Variants in CDC14B observed in about 807,000 individuals in gnomAD.
CDC14B encodes the protein cell division cycle 14B.
A neutral mutation model predicts 64.2 loss-of-function variants in CDC14B; 22 were observed. That is an observed-to-expected ratio of 0.34 (90% CI 0.24 to 0.49). The LOEUF (loss-of-function observed/expected upper bound fraction) is 0.49. Among genes scored for constraint, CDC14B ranks in the 20% least tolerant of loss-of-function variants. CDC14B has a pLI of 0.99. For missense variants in CDC14B, 498 were observed against 629.9 expected, an observed-to-expected ratio of 0.79 and a Z score of 2.24; for synonymous variants, 191 against 215.8, an observed-to-expected ratio of 0.89 and a Z score of 1.01.
rs149330559 is a variant in CDC14B, at chr9:96,515,233, C to T, written c.1344-5444G>A. Among the ~76,000 whole-genome samples the T allele has an allele frequency of 5.8e-4, 89 of 152,282 alleles. No individual in the cohort carries two copies. The highest frequency in any genetic ancestry group is 3.4e-3 in the Middle Eastern group (1 of 294). On this transcript the variant is annotated intron_variant, in intron 12 of 13. Coordinates refer to ENST00000375241, the MANE Select transcript of CDC14B (RefSeq NM_033331.4). This position sits in a 1 kb window ranked among gnomAD's most constrained non-coding sequence, Gnocchi z 4.3. ...GTGGGAAAAATGCTTCTTTGCTAGA[C>T]TGGGAAGGACATACTCAAGATACAG... is the stretch of plus-strand genomic sequence containing the variant.
chr9:96,561,270 A>G (rs1843138902), intron 4 of CDC14B, among the ~76,000 whole-genome samples: 2 of 152,248 alleles, frequency 1.3e-5, no homozygotes, highest in African/African-American at 4.8e-5. Context: ...CACTGCTGTT[A>G]ATGATATACC....
intron 1 of CDC14B, among the ~76,000 whole-genome samples, chr9:96,584,352 T>A (rs571020278): frequency 6.6e-6 from 1 of 152,272 alleles, no homozygotes; most frequent in Non-Finnish European, 1.5e-5. Flanking sequence ...GATGACCAGA[T>A]TGGCTCAGGT....
intron 4 of CDC14B, among the ~76,000 whole-genome samples, chr9:96,561,703 G>A (rs1465757373): frequency 3.3e-5 from 5 of 151,642 alleles, no homozygotes; most frequent in African/African-American, 9.7e-5. Context: ...TAACCAGGAT[G>A]GTCTCGATCT....
chr9:96,562,795 A>G lies in CDC14B; in HGVS notation c.328-10T>C. The G allele has an allele frequency of 6.6e-7, 1 of 1,505,070 alleles. No individual in the cohort carries two copies. Among genetic ancestry groups the G allele is most frequent in the Non-Finnish European group, 9.2e-7 (1 of 1,088,188 alleles). 93.2% of individuals were successfully genotyped at this position (1,505,070 alleles called of 1,614,324 possible). ...TTAACATTGTAATGGACTGCATAAA[A>G]ATAAATAACTGTTAGCATTTTCTTT... is the stretch of plus-strand genomic sequence containing the variant. On this transcript the variant is annotated splice_polypyrimidine_tract_variant and intron_variant, in intron 3 of 13. Transcript: ENST00000375241.
At chr9:96,548,700 C>A (rs981075534) in intron 5 of CDC14B, among the ~76,000 whole-genome samples, 10 of 151,708 alleles carry the variant, frequency 6.6e-5, no homozygotes, top group African/African-American at 1.2e-4. Flanking sequence ...GCTCTAGAGG[C>A]TGAGACATGA....
chr9:96,537,243 G>C (rs1268508011), intron 7 of CDC14B, among the ~76,000 whole-genome samples: 1 of 152,092 alleles, frequency 6.6e-6, no homozygotes, highest in Non-Finnish European at 1.5e-5. Context: ...AGCCAAGATC[G>C]CACCACTGCA....
At chr9:96,520,105 G>C (rs1304399473) in intron 12 of CDC14B, among the ~76,000 whole-genome samples, 3 of 152,188 alleles carry the variant, frequency 2.0e-5, no homozygotes. Flanking sequence ...AAAAAGCAGA[G>C]ACGGGGATAA....
At chr9:96,573,753 T>G (rs1844619371) in intron 1 of CDC14B, among the ~76,000 whole-genome samples, 2 of 152,128 alleles carry the variant, frequency 1.3e-5, no homozygotes, top group Admixed American at 1.3e-4. Context: ...TGTAATAAAT[T>G]TACATGTTAC....
chr9:96,536,461 C>T (rs994312503), intron 7 of CDC14B, among the ~76,000 whole-genome samples: 2 of 152,226 alleles, frequency 1.3e-5, no homozygotes, highest in Non-Finnish European at 2.9e-5. Context: ...GTGTTAATAA[C>T]TTAGCTATAT....
At chr9:96,591,370 T>C (rs1845784896) in intron 1 of CDC14B, among the ~76,000 whole-genome samples, 1 of 152,222 alleles carries the variant, frequency 6.6e-6, no homozygotes, top group African/African-American at 2.4e-5. Flanking sequence ...ATTCTTGGTA[T>C]CTTTGTCAAA....
chr9:96,519,955 A>C (rs1207276719), intron 12 of CDC14B, among the ~76,000 whole-genome samples: 1 of 152,232 alleles, frequency 6.6e-6, no homozygotes, highest in East Asian at 1.9e-4. Flanking sequence ...GTATTTTTCA[A>C]CCCAAGCAAC....
chr9:96,566,723 C>T (rs1438732294), intron 1 of CDC14B: 6 of 1,565,542 alleles, frequency 3.8e-6, no homozygotes, highest in South Asian at 2.3e-5. Flanking sequence ...TGTCCCAGCG[C>T]GGGTGCCGGA....
chr9:96,546,950 T>A (rs1840994520), intron 5 of CDC14B, among the ~76,000 whole-genome samples: 1 of 151,908 alleles, frequency 6.6e-6, no homozygotes, highest in Non-Finnish European at 1.5e-5. Context: ...TAGTCCCAGC[T>A]ACTTGGGAGG....
intron 1 of CDC14B, among the ~76,000 whole-genome samples, chr9:96,593,187 C>G (rs1845880511): frequency 6.6e-6 from 1 of 151,920 alleles, no homozygotes. Flanking sequence ...AAGACTTCAG[C>G]AGTCAAAAAG....
At chr9:96,587,405 G>C (rs1317911890) in intron 1 of CDC14B, among the ~76,000 whole-genome samples, 1 of 152,164 alleles carries the variant, frequency 6.6e-6, no homozygotes, top group African/African-American at 2.4e-5. Context: ...GGGGGATCCT[G>C]ACAGACAAAA....
intron 12 of CDC14B, among the ~76,000 whole-genome samples, chr9:96,516,184 A>G (rs183701462): frequency 6.6e-6 from 1 of 152,332 alleles, no homozygotes; most frequent in African/African-American, 2.4e-5. Context: ...CAAACAAACA[A>G]AAAAACACAA....
At chr9:96,494,017 C>T (rs1036774666) in intron 13 of CDC14B, among the ~76,000 whole-genome samples, 7 of 152,204 alleles carry the variant, frequency 4.6e-5, no homozygotes, top group Non-Finnish European at 7.3e-5. Flanking sequence ...TCCTCCTACC[C>T]GCTTTCCCCC....
chr9:96,546,296 T>C (rs931886115), intron 5 of CDC14B, among the ~76,000 whole-genome samples: 6 of 152,112 alleles, frequency 3.9e-5, no homozygotes, highest in South Asian at 2.1e-4. Context: ...TGAAATCCAG[T>C]TGACAGCTCC....
chr9:96,608,253 T>C (rs1470823950), intron 1 of CDC14B, among the ~76,000 whole-genome samples: 1 of 152,214 alleles, frequency 6.6e-6, no homozygotes, highest in Non-Finnish European at 1.5e-5. Context: ...TCAGTTACAG[T>C]AGTTTAAAAT....
Sources: allele counts gnomAD v4.1 joint callset (sites outside exome capture counted in the v4.1 genomes callset), GRCh38; gene constraint gnomAD v4.1.1; non-coding constraint Gnocchi (gnomAD v3.1); transcripts MANE v1.5; gene names NCBI Gene and HGNC (gene_info 2026-07-23, HGNC 2026-07-21).